HELLS: variants seen among roughly 807,000 people sequenced by gnomAD.
The protein encoded by HELLS is helicase, lymphoid specific, also known as lymphoid-specific helicase.
Under a neutral mutation model 120.0 loss-of-function variants are expected in HELLS, and 32 were observed. The observed-to-expected ratio is 0.27, with a 90% CI of 0.20 to 0.36. The LOEUF (loss-of-function observed/expected upper bound fraction) is 0.36. Ranked by LOEUF, HELLS falls within the 10% of genes least tolerant of loss-of-function variation. The pLI, the probability that HELLS is intolerant of heterozygous loss-of-function variation, is 1.00. For missense variants in HELLS, 650 were observed against 993.4 expected (o/e 0.65, Z 4.65); for synonymous variants, 341 against 323.4 (o/e 1.05, Z -0.58).
chr10:94,546,458 A>AATC lies in HELLS; in HGVS notation c.114_115insTCA (p.Glu38_Ala39insSer). 1 of 1,614,136 alleles carries AATC rather than the reference A, an allele frequency of 6.2e-7. No homozygotes were observed. ...ATGCTAGAAGAGGAAGAACAGCTTG[A>AATC]AGCTGCTGGACTAGAGAGAGAGCGG... On this transcript the variant is annotated inframe_insertion, in exon 2 of 22. Transcript: ENST00000348459.
chr10:94,603,060 C>T (rs144963805), downstream of HELLS, among the ~76,000 whole-genome samples: 438 of 152,340 alleles, frequency 2.9e-3, no homozygotes, highest in Non-Finnish European at 4.9e-3. Flanking sequence ...GTCACCGTTG[C>T]ATCTGTAAAC....
At chr10:94,581,203 T>G in intron 10 of HELLS, 123 bp from the exon 11 acceptor site, 1 of 567,160 alleles carries the variant, frequency 1.8e-6, no homozygotes. Context: ...CAGTAGTTAC[T>G]GAAATTACAT....
intron 17 of HELLS, among the ~76,000 whole-genome samples, chr10:94,592,851 AAG>A (rs1485549539): frequency 1.3e-5 from 2 of 152,106 alleles, no homozygotes; most frequent in African/African-American, 2.4e-5. Context: ...GAAAAAAAAA[AAG>A]CAACTGTAAA....
intron 6 of HELLS, chr10:94,571,137 A>G: frequency 3.3e-6 from 1 of 306,440 alleles, no homozygotes; most frequent in Non-Finnish European, 5.9e-6. Context: ...AAAAGAAAGA[A>G]AAGCTGGAAA....
intron 6 of HELLS, among the ~76,000 whole-genome samples, chr10:94,568,217 T>TC (rs1244039557): frequency 5.3e-5 from 8 of 151,786 alleles, no homozygotes; most frequent in Non-Finnish European, 1.0e-4. Context: ...CCTTTTTTTT[T>TC]TTTTTTTAAA....
At chr10:94,569,349 A>AT (rs1844013912) in intron 6 of HELLS, 1 of 151,086 alleles carries the variant, frequency 6.6e-6, no homozygotes, top group Non-Finnish European at 1.5e-5. Context: ...CGCCCAGCTA[A>AT]TTTTTTGTAT....
chr10:94,545,886 G>A lies in HELLS; in HGVS notation c.-36G>A, dbSNP rs980679992. 12 of 1,551,958 alleles carry A rather than the reference G, an allele frequency of 7.7e-6. No individual in the cohort carries two copies. The highest frequency in any genetic ancestry group is 3.9e-5 in the Admixed American group (2 of 51,050). On this transcript the variant is annotated 5_prime_UTR_variant, in exon 1 of 22. Coordinates refer to ENST00000348459, the MANE Select transcript of HELLS (RefSeq NM_018063.5). ...TAGCTCGCGGCATTGCAGGCTCTGA[G>A]AGGAGGGGACCCGGTTCCCGGGTGA... is the stretch of plus-strand genomic sequence containing the variant.
At chr10:94,552,674 C>G (rs1843045607) in intron 2 of HELLS, among the ~76,000 whole-genome samples, 1 of 152,114 alleles carries the variant, frequency 6.6e-6, no homozygotes, top group South Asian at 2.1e-4. Context: ...ATTCATGTTA[C>G]AGAATTGGTA....
At chr10:94,572,515 C>T (rs7906843) in intron 7 of HELLS, among the ~76,000 whole-genome samples, 69,288 of 151,878 alleles carry the variant, frequency 0.46, 16,094 homozygotes, top group East Asian at 0.72. Context: ...TATTAGTAAC[C>T]GGTTTCTTCT....
At chr10:94,590,983 A>C (rs1465281204) in intron 15 of HELLS, among the ~76,000 whole-genome samples, 1 of 152,102 alleles carries the variant, frequency 6.6e-6, no homozygotes, top group Non-Finnish European at 1.5e-5. Flanking sequence ...ACTTTCTATG[A>C]GCAACTAGTT....
At chr10:94,612,565 A>G (rs1846203501) in exon 10 of HELLS, 2 of 152,236 alleles carry the variant, frequency 1.3e-5, no homozygotes, top group Admixed American at 6.5e-5. Flanking sequence ...TTCAGTTCCA[A>G]TTTCTTCGAT....
At chr10:94,593,456 A>T (rs757056274) in intron 17 of HELLS, 43 bp from the exon 18 acceptor site, 3 of 1,206,898 alleles carry the variant, frequency 2.5e-6, no homozygotes, top group Admixed American at 1.8e-5. Context: ...CTTGTTGGTT[A>T]ATTTATTTTA....
intron 2 of HELLS, 95 bp downstream of exon 2, chr10:94,546,593 T>G: frequency 7.2e-7 from 1 of 1,381,924 alleles, no homozygotes; most frequent in African/African-American, 1.4e-5. Context: ...TCCTATTTAG[T>G]GGGCTTTTTA....
intron 6 of HELLS, among the ~76,000 whole-genome samples, chr10:94,567,753 A>G (rs1176216188): frequency 1.3e-5 from 2 of 152,044 alleles, no homozygotes; most frequent in East Asian, 3.9e-4. Context: ...AAAAAGAAAT[A>G]CAGAAATAGC....
Position 94,593,630 on chromosome 10 carries a change from T to C in HELLS, c.2088+15T>C. ...ATAGTGATTGGGTAAGTTGGAAGTATAGCAAGGAATATGCTGATTATATTT... is the reference window on the plus strand; with the variant it reads ...ATAGTGATTGGGTAAGTTGGAAGTACAGCAAGGAATATGCTGATTATATTT... On this transcript the variant is annotated intron_variant, in intron 18 of 21. Coordinates refer to ENST00000348459, the MANE Select transcript of HELLS (RefSeq NM_018063.5). 7.2e-7 allele frequency: 1 copy of C among 1,390,376 alleles called. No homozygotes were observed. The highest frequency in any genetic ancestry group is 1.0e-6 in the Non-Finnish European group (1 of 976,434). The allele number at this position is 1,390,376 out of a possible 1,614,324, so 86.1% of individuals were successfully genotyped here.
chr10:94,566,239 C>G (rs1024947490), intron 6 of HELLS, among the ~76,000 whole-genome samples: 1 of 152,084 alleles, frequency 6.6e-6, no homozygotes, highest in Non-Finnish European at 1.5e-5. Context: ...CATGCAGTTC[C>G]TGAACCTTTT....
At chr10:94,570,874 AAATATTTTT>A (rs1330332009) in intron 6 of HELLS, 1 of 152,256 alleles carries the variant, frequency 6.6e-6, no homozygotes, top group Non-Finnish European at 1.5e-5. Context: ...GCCAGATAGT[AAATATTTTT>A]AGCTTTTGAG....
At position 94,593,515 on chromosome 10, in the gene HELLS, CGGATCCAGA is replaced by C; in HGVS notation, c.1991_1999del (p.Asp664_Glu666del). 6.2e-7 allele frequency: 1 copy of C among 1,611,500 alleles called. No individual in the cohort carries two copies. Among genetic ancestry groups the C allele is most frequent in the Non-Finnish European group, 8.5e-7 (1 of 1,177,696 alleles). ...TGCTTTTAGATGCACAGCTTCAACA[CGGATCCAGA>C]GGTGTTTATCTTCTTAGTGAGTACA... is the stretch of plus-strand genomic sequence containing the variant. On this transcript the variant is annotated inframe_deletion, in exon 18 of 22. Transcript: ENST00000348459.
chr10:94,584,262 TAAC>T, intron 12 of HELLS: 1 of 393,272 alleles, frequency 2.5e-6, no homozygotes, highest in Non-Finnish European at 4.5e-6. Context: ...TGGTTTATAA[TAAC>T]TATATGTTAA....
Sources: allele counts gnomAD v4.1 joint callset (sites outside exome capture counted in the v4.1 genomes callset), GRCh38; gene constraint gnomAD v4.1.1; transcripts MANE v1.5; gene names NCBI Gene and HGNC (gene_info 2026-07-23, HGNC 2026-07-21).